The following NRG1 variants were observed in gnomAD, a reference collection of about 807,000 sequenced individuals.
NRG1 encodes the protein neuregulin 1.
In NRG1, 18 loss-of-function variants were observed where a neutral mutation model predicts 63.8. That is an observed-to-expected ratio of 0.28 (90% CI 0.19 to 0.42). The LOEUF (loss-of-function observed/expected upper bound fraction) is 0.42. Ranked by LOEUF, NRG1 falls within the 10% of genes least tolerant of loss-of-function variation. The pLI, the probability that NRG1 is intolerant of heterozygous loss-of-function variation, is 1.00. For synonymous variants in NRG1, 302 were observed against 301.3 expected (o/e 1.00, Z -0.02); for missense variants, 762 against 814.7 (o/e 0.94, Z 0.79).
At chr8:32,122,216 G>A (rs1833537592) in intron 1 of NRG1, among the ~76,000 whole-genome samples, 1 of 151,862 alleles carries the variant, frequency 6.6e-6, no homozygotes, top group Non-Finnish European at 1.5e-5. Context: ...TAAACAACAG[G>A]CCAAATACCA....
Position 32,355,547 on chromosome 8 carries a change from C to G in NRG1, c.38-240281C>G, listed in dbSNP as rs116919427. On this transcript the variant is annotated intron_variant, in intron 1 of 10. Coordinates refer to the NRG1 transcript ENST00000519301. ...TATATCCTTGCTATATAAAAAGGTCCTATGAAACAGGGACTTAGTTGGATA... is the reference window on the plus strand; with the variant it reads ...TATATCCTTGCTATATAAAAAGGTCGTATGAAACAGGGACTTAGTTGGATA... Among the ~76,000 whole-genome samples the G allele has an allele frequency of 6.6e-5, 10 of 152,056 alleles. No individual in the cohort carries two copies. The East Asian group carries it at 1.9e-3, about 29-fold the overall frequency.
chr8:31,782,113 T>C (rs1222413440), intron 1 of NRG1, among the ~76,000 whole-genome samples: 2 of 152,146 alleles, frequency 1.3e-5, no homozygotes, highest in Non-Finnish European at 1.5e-5. Context: ...ATGATCACTC[T>C]CATCCCACCT....
chr8:31,969,859 G>A (rs1806998258), intron 1 of NRG1, among the ~76,000 whole-genome samples: 1 of 152,152 alleles, frequency 6.6e-6, no homozygotes, highest in Non-Finnish European at 1.5e-5. Context: ...GGGACAGGAA[G>A]TGTATGTGAC....
intron 1 of NRG1, among the ~76,000 whole-genome samples, chr8:32,420,899 T>C (rs946697602): frequency 6.6e-6 from 1 of 152,128 alleles, no homozygotes; most frequent in East Asian, 1.9e-4. Context: ...GTTCCTATGA[T>C]AGTGAGTGAG....
chr8:31,852,463 T>A (rs1276355590), intron 1 of NRG1, among the ~76,000 whole-genome samples: 1 of 152,170 alleles, frequency 6.6e-6, no homozygotes, highest in Non-Finnish European at 1.5e-5. Context: ...GTTGTTTGTT[T>A]TTTTCTTGTA....
intron 1 of NRG1, among the ~76,000 whole-genome samples, chr8:31,827,632 C>G (rs542572161): frequency 1.8e-4 from 28 of 152,178 alleles, no homozygotes; most frequent in Non-Finnish European, 3.5e-4. Context: ...TATAATTTTT[C>G]TCTGGCAACA....
intron 1 of NRG1, among the ~76,000 whole-genome samples, chr8:31,965,911 C>A (rs986510421): frequency 4.6e-5 from 7 of 151,956 alleles, no homozygotes; most frequent in African/African-American, 1.7e-4. Flanking sequence ...GGGAGCTAAA[C>A]AATGAGCACA....
At chr8:32,151,079 GA>G (rs1463981498) in intron 1 of NRG1, among the ~76,000 whole-genome samples, 16 of 152,158 alleles carry the variant, frequency 1.1e-4, no homozygotes, top group African/African-American at 3.9e-4. Context: ...GGGTGTCTAT[GA>G]AATGGAATGT....
intron 1 of NRG1, among the ~76,000 whole-genome samples, chr8:31,845,372 G>A (rs1467108462): frequency 6.6e-6 from 1 of 151,948 alleles, no homozygotes; most frequent in Non-Finnish European, 1.5e-5. Context: ...CATTAAAATG[G>A]GTCCTCTTTA....
chr8:32,741,280 T>C (rs141503717), intron 6 of NRG1, among the ~76,000 whole-genome samples: 117 of 152,312 alleles, frequency 7.7e-4, no homozygotes, highest in African/African-American at 2.7e-3. Flanking sequence ...AAAATAGTTT[T>C]TCCTTAAATG....
At chr8:31,699,753 T>C (rs1810448377) in intron 1 of NRG1, among the ~76,000 whole-genome samples, 1 of 152,088 alleles carries the variant, frequency 6.6e-6, no homozygotes, top group African/African-American at 2.4e-5. Flanking sequence ...GTTCTAATTA[T>C]CTGTGCAAAC....
At chr8:32,483,964 G>A (rs145064562) in intron 1 of NRG1, among the ~76,000 whole-genome samples, 1,929 of 152,078 alleles carry the variant, frequency 0.013, 46 homozygotes, top group African/African-American at 0.044. Flanking sequence ...TTAGCCAGGC[G>A]TGGTGTCAGG....
intron 1 of NRG1, among the ~76,000 whole-genome samples, chr8:32,207,167 C>T (rs930591404): frequency 5.3e-5 from 8 of 151,892 alleles, no homozygotes; most frequent in African/African-American, 1.9e-4. Context: ...GGAAGTAAGC[C>T]TCTAGAACAT....
At chr8:32,089,990 AT>A (rs923841231) in intron 1 of NRG1, among the ~76,000 whole-genome samples, 15 of 152,216 alleles carry the variant, frequency 9.9e-5, no homozygotes, top group African/African-American at 2.9e-4. Context: ...TTTATTATTA[AT>A]TTTTTAGTGG....
At chr8:32,773,512 C>T (rs907547522) in intron 7 of NRG1, among the ~76,000 whole-genome samples, 12 of 152,152 alleles carry the variant, frequency 7.9e-5, no homozygotes, top group African/African-American at 2.9e-4. Context: ...CTGATCAAGC[C>T]AGACCTGAGC....
intron 5 of NRG1, among the ~76,000 whole-genome samples, chr8:32,626,631 A>G (rs1235778657): frequency 1.3e-5 from 2 of 151,830 alleles, no homozygotes; most frequent in Non-Finnish European, 2.9e-5. Flanking sequence ...AGTGAGCCAA[A>G]ATCGCGCCAC....
intron 1 of NRG1, among the ~76,000 whole-genome samples, chr8:32,387,672 C>A (rs909475658): frequency 6.6e-6 from 1 of 152,016 alleles, no homozygotes; most frequent in African/African-American, 2.4e-5. Context: ...ATGTCCCAAC[C>A]CACACCCTTT....
At chr8:32,013,948 G>A (rs1815124722) in intron 1 of NRG1, among the ~76,000 whole-genome samples, 1 of 152,090 alleles carries the variant, frequency 6.6e-6, no homozygotes, top group Non-Finnish European at 1.5e-5. Flanking sequence ...ACTCAAAATA[G>A]GAAAAATTGT....
intron 1 of NRG1, among the ~76,000 whole-genome samples, chr8:31,811,579 GTGT>G (rs149708632): frequency 4.6e-5 from 7 of 152,052 alleles, no homozygotes; most frequent in African/African-American, 1.2e-4. Context: ...TTTATCTTCT[GTGT>G]TGTTGTTGTT....
Sources: gnomAD v4.1 joint callset for allele counts (sites outside exome capture counted in the v4.1 genomes callset) on GRCh38, gnomAD v4.1.1 for gene constraint, MANE v1.5 for transcripts, NCBI Gene and HGNC (gene_info 2026-07-23, HGNC 2026-07-21) for gene names.